CCDC68: variants seen among roughly 807,000 people sequenced by gnomAD.
CCDC68 encodes coiled-coil domain containing 68, also known as coiled-coil domain-containing protein 68.
Under a neutral mutation model 47.1 loss-of-function variants are expected in CCDC68, and 45 were observed. The ratio of observed to expected loss-of-function variants is 0.96; its 90% CI spans 0.75 to 1.23. The LOEUF is 1.23. CCDC68 is among the 50% of genes most tolerant of loss of function. The probability of loss-of-function intolerance (pLI) is 0.00; values close to 1 mark genes in which losing one functional copy is unlikely to be tolerated. For missense variants in CCDC68, 353 were observed against 373.6 expected, an observed-to-expected ratio of 0.94 and a Z score of 0.45; for synonymous variants, 131 against 129.5, an observed-to-expected ratio of 1.01 and a Z score of -0.08.
intron 10 of CCDC68, among the ~76,000 whole-genome samples, chr18:54,914,640 G>C (rs577070806): frequency 3.0e-4 from 46 of 152,074 alleles, no homozygotes; most frequent in Non-Finnish European, 5.1e-4. Context: ...AAAGAAAAAA[G>C]AAAAAGAAAA....
chr18:54,913,552 A>G lies in CCDC68; in HGVS notation c.873+4361T>C, dbSNP rs371693839. Among the ~76,000 whole-genome samples, 208 of 152,334 alleles carry G rather than the reference A, an allele frequency of 1.4e-3. No individual in the cohort carries two copies. The South Asian group carries it at 0.015, about 11-fold the overall frequency. On this transcript the variant is annotated intron_variant, in intron 10 of 11. Coordinates refer to ENST00000591504, the MANE Select transcript of CCDC68 (RefSeq NM_025214.3). ...TGAAGTGGTTCACACTTGTAATTCC[A>G]GCACTTTGGGAGGCCAAGGCAGGAG...
intron 2 of CCDC68, 44 bp from the exon 3 acceptor site, chr18:54,942,847 A>T: frequency 9.7e-7 from 1 of 1,028,326 alleles, no homozygotes; most frequent in South Asian, 1.3e-5. Context: ...GACTGTTTTG[A>T]TTGTATGATT....
In CCDC68 at chr18:54,928,885, A is replaced by G. The variant is rs764159031; in HGVS notation, c.601-3T>C. 3.8e-6 allele frequency: 6 copies of G among 1,585,634 alleles called. No individual in the cohort carries two copies. In the South Asian group the frequency reaches 6.7e-5, roughly 18 times the overall value. On this transcript the variant is annotated splice_polypyrimidine_tract_variant and splice_region_variant and intron_variant, in intron 7 of 11. Coordinates refer to ENST00000591504, the MANE Select transcript of CCDC68 (RefSeq NM_025214.3). The stretch of plus-strand genomic sequence containing the variant: ...CTTTCTAGTAGTGTTCTCTTTTCCT[A>G]GGAGAAAATAAGATACAAATTTTGC...
chr18:54,926,895 A>G (rs2145476546), intron 8 of CCDC68, among the ~76,000 whole-genome samples: 1 of 152,386 alleles, frequency 6.6e-6, no homozygotes, highest in Middle Eastern at 3.4e-3. Flanking sequence ...AATAAAATAA[A>G]GAAGTTACCT....
intron 4 of CCDC68, among the ~76,000 whole-genome samples, chr18:54,940,358 T>C (rs35159191): frequency 2.2e-4 from 33 of 152,150 alleles, no homozygotes; most frequent in Non-Finnish European, 4.4e-4. Context: ...TTTTCTAGTT[T>C]AGAAGTATTT....
intron 11 of CCDC68, among the ~76,000 whole-genome samples, chr18:54,907,362 G>A (rs1043568583): frequency 4.6e-5 from 7 of 152,028 alleles, no homozygotes. Flanking sequence ...TCTTGCCCTG[G>A]TGATATTTAT....
At chr18:54,956,276 C>T (rs1344993342) in intron 1 of CCDC68, among the ~76,000 whole-genome samples, 1 of 152,228 alleles carries the variant, frequency 6.6e-6, no homozygotes, top group Non-Finnish European at 1.5e-5. Context: ...GTGTGAGCCA[C>T]TGTGCCCAGC....
intron 1 of CCDC68, among the ~76,000 whole-genome samples, chr18:54,946,875 A>G (rs1379170269): frequency 6.6e-6 from 1 of 151,970 alleles, no homozygotes; most frequent in East Asian, 1.9e-4. Flanking sequence ...CACTCACTGG[A>G]CAGTCACTGT....
At position 54,901,629 on chromosome 18, in the gene CCDC68, G is replaced by T. The variant is rs1319607480; in HGVS notation, c.*2729C>A. 1 of 152,108 alleles carries T rather than the reference G, an allele frequency of 6.6e-6. No individual in the cohort carries two copies. The highest frequency in any genetic ancestry group is 1.5e-5 in the Non-Finnish European group (1 of 68,034). 9.4% of individuals were successfully genotyped at this position (152,108 alleles called of 1,614,324 possible). A position where few individuals can be genotyped will look rare whatever the true frequency, so the allele number is the denominator to read the frequency against. On this transcript the variant is annotated 3_prime_UTR_variant, in exon 12 of 12. Transcript: ENST00000591504. ...ATTCAAAAGATATACTATACTAATTGTTTAAACATTTTATAATGATAATTT... is the reference window on the plus strand; with the variant it reads ...ATTCAAAAGATATACTATACTAATTTTTTAAACATTTTATAATGATAATTT...
chr18:54,940,225 G>A (rs760037884), intron 4 of CCDC68, among the ~76,000 whole-genome samples: 1 of 152,076 alleles, frequency 6.6e-6, no homozygotes, highest in African/African-American at 2.4e-5. Context: ...TCTTCTACCC[G>A]CAGCTCCAGA....
intron 3 of CCDC68, 45 bp downstream of exon 3, chr18:54,942,630 C>T (rs371801513): frequency 5.8e-6 from 7 of 1,207,050 alleles, no homozygotes; most frequent in Non-Finnish European, 8.4e-6. Context: ...TGGAATTTCT[C>T]TTTAAAAAAT....
At chr18:54,954,551 A>G (rs149724073) in intron 1 of CCDC68, 61 of 152,298 alleles carry the variant, frequency 4.0e-4, no homozygotes, top group African/African-American at 1.3e-3. Flanking sequence ...ATCAAAATAA[A>G]TAGCAGGTGC....
chr18:54,947,659 A>G (rs748594054), intron 1 of CCDC68, among the ~76,000 whole-genome samples: 3 of 152,248 alleles, frequency 2.0e-5, no homozygotes, highest in Non-Finnish European at 2.9e-5. Context: ...CATTTAATAT[A>G]TAATAAATGA....
At position 54,905,007 on chromosome 18, in the gene CCDC68, C is replaced by T. The variant is rs529159645; in HGVS notation, c.951-592G>A. On this transcript the variant is annotated intron_variant, in intron 11 of 11. Transcript: ENST00000591504. ...GGATGCAGTGGCTCATGACTGTAAT[C>T]CCAACACTTTGGGAGGCTGAGGTGG... Among the ~76,000 whole-genome samples the T allele has an allele frequency of 2.6e-5, 4 of 152,214 alleles. No homozygotes were observed. The South Asian group carries it at 8.3e-4, about 32-fold the overall frequency.
At chr18:54,907,737 T>C (rs372144883) in intron 11 of CCDC68, 49 bp downstream of exon 11, 46 of 1,007,500 alleles carry the variant, frequency 4.6e-5, no homozygotes, top group Middle Eastern at 4.2e-4. Flanking sequence ...ATGTCTAACA[T>C]GTTCAACATA....
At chr18:54,948,801 G>C (rs2044567806) in intron 1 of CCDC68, among the ~76,000 whole-genome samples, 1 of 152,184 alleles carries the variant, frequency 6.6e-6, no homozygotes, top group African/African-American at 2.4e-5. Context: ...CTGATCAGGG[G>C]ACCAAGGGTA....
intron 5 of CCDC68, chr18:54,937,679 G>A (rs900328391): frequency 3.6e-6 from 1 of 279,374 alleles, no homozygotes. Context: ...ACAATGTTAT[G>A]CAGTAGATTT....
chr18:54,920,281 C>A (rs1450126210), intron 8 of CCDC68, among the ~76,000 whole-genome samples: 20 of 145,320 alleles, frequency 1.4e-4, no homozygotes, highest in Non-Finnish European at 2.7e-4. Context: ...TTTTTTCAGA[C>A]GGAGTCTTAC....
At chr18:54,905,409 A>AGAAGGAAGGAAGGAAGGACGGAAG in intron 11 of CCDC68, among the ~76,000 whole-genome samples, 1 of 107,812 alleles carries the variant, frequency 9.3e-6, no homozygotes, top group African/African-American at 3.9e-5. Context: ...AAGGAAGGGA[A>AGAAGGAAGGAAGGAAGGACGGAAG]GAAGGAAGGA....
Sources: gnomAD v4.1 joint callset for allele counts (sites outside exome capture counted in the v4.1 genomes callset) on GRCh38, gnomAD v4.1.1 for gene constraint, MANE v1.5 for transcripts, NCBI Gene and HGNC (gene_info 2026-07-23, HGNC 2026-07-21) for gene names.